Variants in ZNF589 observed in about 807,000 individuals in gnomAD.
ZNF589 encodes the protein KRAB-zinc finger protein SZF1-1.
ZNF589 carries 17 observed loss-of-function variants against 13.6 expected under a neutral mutation model. The observed-to-expected ratio is 1.25, with a 90% CI of 0.86 to 1.88. The LOEUF (loss-of-function observed/expected upper bound fraction) is 1.88. Among genes scored for constraint, ZNF589 ranks in the 40% most tolerant of loss-of-function variants. The pLI, the probability that ZNF589 is intolerant of heterozygous loss-of-function variation, is 0.00. For synonymous variants in ZNF589, 148 were observed against 161.6 expected, an observed-to-expected ratio of 0.92 and a Z score of 0.64; for missense variants, 407 against 434.0, an observed-to-expected ratio of 0.94 and a Z score of 0.55.
Position 48,268,298 on chromosome 3 carries a change from A to C in ZNF589, c.607A>C (p.Ile203Leu). ...TGCAAGCTCTGAGGAAGTAGACAGAATTTCCAAGAGGGCAGAAACCCCAGG... is the reference window on the plus strand; with the variant it reads ...TGCAAGCTCTGAGGAAGTAGACAGACTTTCCAAGAGGGCAGAAACCCCAGG... ...QNASSEEVDR[I>L]SKRAETPGFG... The change falls in exon 4 of 4, where the codon ATT becomes CTT. Residue 203 changes from isoleucine to leucine, a missense_variant. Ile to Leu is a conservative substitution (Grantham distance 5). Transcript: ENST00000354698. 6.2e-7 allele frequency: 1 copy of C among 1,613,414 alleles called. No individual in the cohort carries two copies. The highest frequency in any genetic ancestry group is 8.5e-7 in the Non-Finnish European group (1 of 1,179,468).
chr3:48,242,018 G>T (rs2106827875), intron 1 of ZNF589, among the ~76,000 whole-genome samples: 1 of 152,102 alleles, frequency 6.6e-6, no homozygotes, highest in East Asian at 1.9e-4. Context: ...CGCCATATTT[G>T]CCAGGCTGGT....
intron 3 of ZNF589, among the ~76,000 whole-genome samples, chr3:48,263,373 G>A (rs933940685): frequency 4.6e-5 from 7 of 152,186 alleles, no homozygotes; most frequent in Non-Finnish European, 1.0e-4. Flanking sequence ...GCCTCCCAAA[G>A]TGTTGGGATT....
chr3:48,257,810 T>C (rs1350909708), intron 2 of ZNF589: 1 of 268,500 alleles, frequency 3.7e-6, no homozygotes, highest in Non-Finnish European at 7.4e-6. Context: ...GTGCCATTTG[T>C]TGCAAAGTCT....
chr3:48,269,556 GC>G lies in ZNF589; in HGVS notation c.*772del. 1 of 343,146 alleles carries G rather than the reference GC, an allele frequency of 2.9e-6. No individual in the cohort carries two copies. Among genetic ancestry groups the G allele is most frequent in the Non-Finnish European group, 5.7e-6 (1 of 175,274 alleles). 21.3% of individuals were successfully genotyped at this position (343,146 alleles called of 1,614,324 possible). A position where few individuals can be genotyped will look rare whatever the true frequency, so the allele number is the denominator to read the frequency against. On this transcript the variant is annotated 3_prime_UTR_variant, in exon 4 of 4. Transcript: ENST00000354698. ...TGCATCGAGTGTGGGCGAAACTTTAGCCACAAGTCCACTCTCAGCTTACATC... is the reference window on the plus strand; with the variant it reads ...TGCATCGAGTGTGGGCGAAACTTTAGCACAAGTCCACTCTCAGCTTACATC...
intron 2 of ZNF589, among the ~76,000 whole-genome samples, chr3:48,253,573 C>T (rs1309381240): frequency 1.3e-5 from 2 of 150,344 alleles, no homozygotes; most frequent in African/African-American, 2.5e-5. Flanking sequence ...CATCTCGGCT[C>T]GCTGCAAGCT....
chr3:48,269,237 A>G lies in ZNF589; in HGVS notation c.*451A>G. Reference sequence around the variant, plus strand: ...AGGCTTTATCACGAAATCACAGCTCATCAGACACCAGAGGACACACACAGG... The same window carrying G: ...AGGCTTTATCACGAAATCACAGCTCGTCAGACACCAGAGGACACACACAGG... On this transcript the variant is annotated 3_prime_UTR_variant, in exon 4 of 4. Transcript: ENST00000354698. The G allele has an allele frequency of 6.5e-7, 1 of 1,537,738 alleles. No homozygotes were observed.
chr3:48,261,849 G>T (rs978386665), intron 3 of ZNF589, among the ~76,000 whole-genome samples: 1 of 152,086 alleles, frequency 6.6e-6, no homozygotes, highest in Non-Finnish European at 1.5e-5. Context: ...TTTCAGTGTA[G>T]GTTCATCCAT....
At chr3:48,253,492 A>C (rs2106837774) in intron 2 of ZNF589, among the ~76,000 whole-genome samples, 1 of 126,884 alleles carries the variant, frequency 7.9e-6, no homozygotes. Context: ...TACTAGTCAT[A>C]TTTTTCTTTT....
chr3:48,264,250 A>G (rs1323754865), intron 3 of ZNF589, among the ~76,000 whole-genome samples: 1 of 152,270 alleles, frequency 6.6e-6, no homozygotes, highest in East Asian at 1.9e-4. Flanking sequence ...TAAAGAAGGA[A>G]GAGGCCGGGC....
At chr3:48,254,158 A>C (rs974988132) in intron 2 of ZNF589, among the ~76,000 whole-genome samples, 18 of 152,140 alleles carry the variant, frequency 1.2e-4, no homozygotes, top group Non-Finnish European at 2.6e-4. Context: ...TGGGAGGCTG[A>C]GGCAGGAGAA....
chr3:48,248,668 G>C (rs1296659457), intron 2 of ZNF589, among the ~76,000 whole-genome samples: 1 of 152,124 alleles, frequency 6.6e-6, no homozygotes, highest in Non-Finnish European at 1.5e-5. Context: ...TATTCTCAAA[G>C]ATCCAAGATT....
Position 48,269,883 on chromosome 3 carries a change from G to A in ZNF589, c.*1097G>A. 2.7e-6 allele frequency: 1 copy of A among 371,832 alleles called. No individual in the cohort carries two copies. The highest frequency in any genetic ancestry group is 2.0e-5 in the South Asian group (1 of 49,338). The allele number at this position is 371,832 out of a possible 1,614,324, so 23.0% of individuals were successfully genotyped here. ...TGGAGTGAGAGTAAGGTGTTGGCTGGAAGTGGCCCCTTAAGAGATACTTGG... is the reference window on the plus strand; with the variant it reads ...TGGAGTGAGAGTAAGGTGTTGGCTGAAAGTGGCCCCTTAAGAGATACTTGG... On this transcript the variant is annotated 3_prime_UTR_variant, in exon 4 of 4. Coordinates refer to ENST00000354698, the MANE Select transcript of ZNF589 (RefSeq NM_016089.3).
At chr3:48,256,776 C>T (rs907081774) in intron 2 of ZNF589, 8 of 1,601,436 alleles carry the variant, frequency 5.0e-6, no homozygotes, top group Non-Finnish European at 6.0e-6. Flanking sequence ...TTGGGAGTCG[C>T]TGTGATACGG....
chr3:48,241,235 C>G lies in ZNF589; in HGVS notation c.43+21C>G, dbSNP rs766156810. Reference sequence around the variant, plus strand: ...GGAAGGTGAGTCGGGGCCGCGAGATCGCCTCCCCCATTCGGTGCTCCAGCC... The same window carrying G: ...GGAAGGTGAGTCGGGGCCGCGAGATGGCCTCCCCCATTCGGTGCTCCAGCC... On this transcript the variant is annotated intron_variant, in intron 1 of 3. Transcript: ENST00000354698. 3.1e-6 allele frequency: 5 copies of G among 1,609,266 alleles called. No homozygotes were observed. In the South Asian group the frequency reaches 5.5e-5, roughly 18 times the overall value.
chr3:48,261,222 A>T (rs1325057476), intron 3 of ZNF589, among the ~76,000 whole-genome samples: 1 of 152,228 alleles, frequency 6.6e-6, no homozygotes, highest in Non-Finnish European at 1.5e-5. Context: ...GGGAGATCTG[A>T]AGTGCCGGGT....
Position 48,270,653 on chromosome 3 carries a change from C to CT in ZNF589, c.*1868dup, listed in dbSNP as rs2034080495. 1 of 190,706 alleles carries CT rather than the reference C, an allele frequency of 5.2e-6. No homozygotes were observed. The highest frequency in any genetic ancestry group is 2.3e-5 in the African/African-American group (1 of 42,842). The allele number at this position is 190,706 out of a possible 1,614,324, so 11.8% of individuals were successfully genotyped here. ...ACTCAGGCCCCAGTGCCTCTATTTGCTAAGGGACTCTGCCACAGAAAAGAA... is the reference window on the plus strand; with the variant it reads ...ACTCAGGCCCCAGTGCCTCTATTTGCTTAAGGGACTCTGCCACAGAAAAGAA... On this transcript the variant is annotated 3_prime_UTR_variant, in exon 4 of 4. Transcript: ENST00000354698.
chr3:48,251,974 G>A lies in ZNF589; in HGVS notation c.96+4297G>A, dbSNP rs560100189. 5.9e-4 allele frequency among the ~76,000 whole-genome samples: 89 copies of A among 151,984 alleles called. 1 individual carries two copies. Among genetic ancestry groups the A allele is most frequent in the Admixed American group, 8.5e-4 (13 of 15,256 alleles). On this transcript the variant is annotated intron_variant, in intron 2 of 3. Coordinates refer to ENST00000354698, the MANE Select transcript of ZNF589 (RefSeq NM_016089.3). ...GGATCTCTTGAGCCTGGGAGGTTGA[G>A]GCTGCAGTGAGCCATGTTCACACCA...
rs1276123581 is a variant in ZNF589 at position 48,270,963 on chromosome 3, C to T, written c.*2177C>T. ...TGACTTCAAGAATGAAGCCGTGGAC[C>T]CTCACGGTGAGTGTTACAATTCTTA... is the stretch of plus-strand genomic sequence containing the variant. On this transcript the variant is annotated 3_prime_UTR_variant, in exon 4 of 4. Transcript: ENST00000354698. 2 of 187,574 alleles carry T rather than the reference C, an allele frequency of 1.1e-5. No individual in the cohort carries two copies. Among genetic ancestry groups the T allele is most frequent in the Non-Finnish European group, 2.2e-5 (2 of 92,828 alleles). The allele number at this position is 187,574 out of a possible 1,614,324, so 11.6% of individuals were successfully genotyped here. A position where few individuals can be genotyped will look rare whatever the true frequency, so the allele number is the denominator to read the frequency against.
intron 2 of ZNF589, among the ~76,000 whole-genome samples, chr3:48,257,459 C>T (rs2033916212): frequency 6.6e-6 from 1 of 151,974 alleles, no homozygotes; most frequent in African/African-American, 2.4e-5. Context: ...GGGATTTCAC[C>T]ATGTTGGCCA....
Sources: gnomAD v4.1 joint callset for allele counts (sites outside exome capture counted in the v4.1 genomes callset) on GRCh38, gnomAD v4.1.1 for gene constraint, MANE v1.5 for transcripts, NCBI Gene and HGNC (gene_info 2026-07-23, HGNC 2026-07-21) for gene names.